ULK4: variants seen among roughly 807,000 people sequenced by gnomAD.
ULK4 encodes unc-51 like kinase 4.
In ULK4, 133 loss-of-function variants were observed where a neutral mutation model predicts 160.6. That is an observed-to-expected ratio of 0.83 (90% confidence interval 0.72 to 0.96). The LOEUF (loss-of-function observed/expected upper bound fraction) is 0.96, where lower values mean the gene tolerates loss of function less well. ULK4 is among the 40% of genes least tolerant of loss of function. The probability of loss-of-function intolerance (pLI) is 0.00; values close to 1 mark genes in which losing one functional copy is unlikely to be tolerated. For synonymous variants in ULK4, 534 were observed against 539.8 expected, an observed-to-expected ratio of 0.99 and a Z score of 0.15; for missense variants, 1,580 against 1,499.5, an observed-to-expected ratio of 1.05 and a Z score of -0.89.
chr3:41,781,622 T>C (rs2039843801), intron 21 of ULK4, among the ~76,000 whole-genome samples: 1 of 152,142 alleles, frequency 6.6e-6, no homozygotes, highest in Non-Finnish European at 1.5e-5. Context: ...TGTATATAAA[T>C]GAAGTAGGAA....
At chr3:41,537,782 G>C (rs2086558498) in intron 32 of ULK4, among the ~76,000 whole-genome samples, 1 of 152,086 alleles carries the variant, frequency 6.6e-6, no homozygotes, top group Non-Finnish European at 1.5e-5. Flanking sequence ...CAAGGCTTAG[G>C]GGTTAGCAGT....
chr3:41,956,326 G>C lies in ULK4; in HGVS notation c.-48-1519C>G, dbSNP rs897471180. ...GAAGAGGCCAGTGGGAAAGCTCTAG[G>C]GGGTATTTGGACCGGGTATCTGTAT... On this transcript the variant is annotated intron_variant, in intron 1 of 36. Transcript: ENST00000301831. Among the ~76,000 whole-genome samples, 11 of 152,288 alleles carry C rather than the reference G, an allele frequency of 7.2e-5. No homozygotes were observed. The South Asian group carries it at 1.2e-3, about 17-fold the overall frequency.
At chr3:41,500,376 T>C (rs915659047) in intron 32 of ULK4, among the ~76,000 whole-genome samples, 1 of 151,564 alleles carries the variant, frequency 6.6e-6, no homozygotes, top group Admixed American at 6.6e-5. Flanking sequence ...GATCCCACTA[T>C]ACAAAAATCT....
intron 17 of ULK4, 81 bp from the exon 18 acceptor site, chr3:41,836,052 C>T: frequency 1.0e-6 from 1 of 955,054 alleles, no homozygotes; most frequent in Non-Finnish European, 1.6e-6. Context: ...AAGCAGGATA[C>T]CCTGTAAAAG....
chr3:41,420,475 C>CTTTTTTTTTTTGTTTTT (rs2082636835), intron 34 of ULK4, among the ~76,000 whole-genome samples: 1 of 41,178 alleles, frequency 2.4e-5, no homozygotes, highest in Non-Finnish European at 4.1e-5. Flanking sequence ...CCAGTTCTTT[C>CTTTTTTTTTTTGTTTTT]TTTTTTTTTT....
At chr3:41,501,862 CATA>C (rs2085221813) in intron 32 of ULK4, among the ~76,000 whole-genome samples, 1 of 152,146 alleles carries the variant, frequency 6.6e-6, no homozygotes, top group Admixed American at 6.5e-5. Context: ...CTGCCACCAC[CATA>C]ATACCTGGTA....
chr3:41,444,273 T>C (rs929674551), intron 34 of ULK4, among the ~76,000 whole-genome samples: 2 of 152,140 alleles, frequency 1.3e-5, no homozygotes, highest in African/African-American at 4.8e-5. Flanking sequence ...ACATTGGGCA[T>C]TTGTATTTCT....
At chr3:41,600,998 G>A (rs2032024258) in intron 31 of ULK4, among the ~76,000 whole-genome samples, 1 of 152,090 alleles carries the variant, frequency 6.6e-6, no homozygotes, top group South Asian at 2.1e-4. Flanking sequence ...AAGAGATCAG[G>A]AAAAGAACAA....
At chr3:41,736,180 G>T (rs1294918906) in intron 22 of ULK4, among the ~76,000 whole-genome samples, 2 of 151,744 alleles carry the variant, frequency 1.3e-5, no homozygotes, top group Non-Finnish European at 2.9e-5. Context: ...ATAGCAGCAT[G>T]ATTTATAATC....
intron 21 of ULK4, among the ~76,000 whole-genome samples, chr3:41,764,475 T>A (rs2039091643): frequency 6.6e-6 from 1 of 152,226 alleles, no homozygotes; most frequent in African/African-American, 2.4e-5. Context: ...TCAGGTATGG[T>A]GGCTCACACC....
chr3:41,906,524 A>AACTCAAAAACAAAAAGTTATT (rs1035086364), intron 12 of ULK4, among the ~76,000 whole-genome samples: 1 of 152,008 alleles, frequency 6.6e-6, no homozygotes, highest in African/African-American at 2.4e-5. Context: ...GTGAGACATT[A>AACTCAAAAACAAAAAGTTATT]ACTCAAAAAC....
At chr3:41,519,418 TA>T (rs1202703294) in intron 32 of ULK4, among the ~76,000 whole-genome samples, 1 of 152,244 alleles carries the variant, frequency 6.6e-6, no homozygotes, top group African/African-American at 2.4e-5. Flanking sequence ...TGCCGAATGA[TA>T]ATCAGTCGCT....
At chr3:41,285,833 A>C (rs900650570) in intron 35 of ULK4, among the ~76,000 whole-genome samples, 1 of 152,242 alleles carries the variant, frequency 6.6e-6, no homozygotes, top group Non-Finnish European at 1.5e-5. Flanking sequence ...GAAAGAAAAC[A>C]AGTTGCAGTA....
chr3:41,523,723 T>C (rs1331445985), intron 32 of ULK4, among the ~76,000 whole-genome samples: 1 of 152,106 alleles, frequency 6.6e-6, no homozygotes, highest in Non-Finnish European at 1.5e-5. Context: ...AGTCTGGCAG[T>C]TCTTCAAAAA....
chr3:41,553,662 C>A (rs2125581784), intron 32 of ULK4, among the ~76,000 whole-genome samples: 1 of 152,064 alleles, frequency 6.6e-6, no homozygotes, highest in Admixed American at 6.6e-5. Flanking sequence ...TTAGTACAGC[C>A]ATTATGAAAA....
At position 41,665,675 on chromosome 3, in the gene ULK4, A is replaced by G. The variant is rs547761089; in HGVS notation, c.2979-1976T>C. 3.3e-5 allele frequency among the ~76,000 whole-genome samples: 5 copies of G among 152,340 alleles called. No homozygotes were observed. The South Asian group carries it at 8.3e-4, about 25-fold the overall frequency. On this transcript the variant is annotated intron_variant, in intron 29 of 36. Transcript: ENST00000301831. ...AGGAAATGAGTTAATATATTTTATCATATAAATAAAACAAATATCAAGCAA... is the reference window on the plus strand; with the variant it reads ...AGGAAATGAGTTAATATATTTTATCGTATAAATAAAACAAATATCAAGCAA...
At chr3:41,706,625 C>T (rs1342795304) in intron 25 of ULK4, among the ~76,000 whole-genome samples, 4 of 150,090 alleles carry the variant, frequency 2.7e-5, no homozygotes, top group African/African-American at 9.8e-5. Context: ...GTCAGGAGTT[C>T]GAGACCAGCC....
intron 35 of ULK4, among the ~76,000 whole-genome samples, chr3:41,270,836 A>AT (rs1285584285): frequency 6.6e-6 from 1 of 152,182 alleles, no homozygotes; most frequent in Non-Finnish European, 1.5e-5. Flanking sequence ...AGTAGAGTAC[A>AT]TTTTTTACTT....
At chr3:41,649,913 G>T (rs925698854) in intron 30 of ULK4, among the ~76,000 whole-genome samples, 4 of 152,178 alleles carry the variant, frequency 2.6e-5, no homozygotes, top group African/African-American at 9.7e-5. Flanking sequence ...TTCCACCCAT[G>T]AACCGATCAG....
Sources: allele counts gnomAD v4.1 joint callset (sites outside exome capture counted in the v4.1 genomes callset), GRCh38; gene constraint gnomAD v4.1.1; transcripts MANE v1.5; gene names NCBI Gene and HGNC (gene_info 2026-07-23, HGNC 2026-07-21).